ZKSCAN1: variants seen among roughly 807,000 people sequenced by gnomAD.
ZKSCAN1 encodes the protein zinc finger with KRAB and SCAN domains 1, also known as zinc finger protein with KRAB and SCAN domains 1.
In ZKSCAN1, 14 loss-of-function variants were observed where a neutral mutation model predicts 51.6. The ratio of observed to expected loss-of-function variants is 0.27; its 90% confidence interval spans 0.18 to 0.42. The LOEUF is 0.42. Among genes scored for constraint, ZKSCAN1 ranks in the 10% least tolerant of loss-of-function variants. The pLI is 1.00. For synonymous variants in ZKSCAN1, 263 were observed against 261.5 expected (o/e 1.01, Z -0.06); for missense variants, 531 against 710.0 (o/e 0.75, Z 2.86).
rs1385539088 is a variant in ZKSCAN1, at chr7:100,033,563, G to T, written c.1058G>T (p.Gly353Val). Residue 353 changes from glycine to valine, a missense_variant, in exon 6 of 6, where the codon GGA becomes GTA. Gly to Val is a moderately radical substitution (Grantham distance 109). Transcript: ENST00000324306. The surrounding 1 kb of genome is among the most constrained non-coding windows in gnomAD (Gnocchi z 4.1). Reference sequence around the variant, plus strand: ...AGAGGTCCAAGGGAGAAGGGGAAAGGATTGGGAAGAAGCTTCAGTCTGAGC... The same window carrying T: ...AGAGGTCCAAGGGAGAAGGGGAAAGTATTGGGAAGAAGCTTCAGTCTGAGC... ...GERGPREKGKGLGRSFSLSSN... is the reference protein window; with the variant it reads ...GERGPREKGKVLGRSFSLSSN... The T allele has an allele frequency of 3.7e-6, 6 of 1,614,044 alleles. No homozygotes were observed. Among genetic ancestry groups the T allele is most frequent in the South Asian group, 3.3e-5 (3 of 91,088 alleles).
rs893926699 is a variant in ZKSCAN1 at position 100,035,239 on chromosome 7, C to T, written c.*1042C>T. 1.3e-5 allele frequency: 2 copies of T among 152,132 alleles called. No homozygotes were observed. The highest frequency in any genetic ancestry group is 2.9e-5 in the Non-Finnish European group (2 of 68,018). The allele number at this position is 152,132 out of a possible 1,614,324, so 9.4% of individuals were successfully genotyped here. A position where few individuals can be genotyped will look rare whatever the true frequency, so the allele number is the denominator to read the frequency against. On this transcript the variant is annotated 3_prime_UTR_variant, in exon 6 of 6. Transcript: ENST00000324306. ...TGGCCCAGCTTCTAAAGAGGACCTT[C>T]GTAGCCACAAGGCATGCTAAACCTC... is the stretch of plus-strand genomic sequence containing the variant.
chr7:100,042,003 T>G (rs557913079), downstream of ZKSCAN1, among the ~76,000 whole-genome samples: 1 of 152,238 alleles, frequency 6.6e-6, no homozygotes, highest in South Asian at 2.1e-4. Context: ...ATGGAATTAC[T>G]GATAACAACA....
rs573570123 is a variant in ZKSCAN1, at chr7:100,033,103, C to T, written c.800-202C>T. 1.3e-3 allele frequency among the ~76,000 whole-genome samples: 201 copies of T among 151,950 alleles called. 1 individual carries two copies. Among genetic ancestry groups the T allele is most frequent in the Non-Finnish European group, 2.5e-3 (167 of 67,992 alleles). The stretch of plus-strand genomic sequence containing the variant: ...AGGAGAATCACTTGAACCTGGGAGG[C>T]GGAGGTTGCAGTGAACTGAGATCAC... On this transcript the variant is annotated intron_variant, in intron 5 of 5. Transcript: ENST00000324306. This position sits in a 1 kb window ranked among gnomAD's most constrained non-coding sequence, Gnocchi z 4.1.
At chr7:100,027,621 G>A (rs1790897119) in intron 3 of ZKSCAN1, among the ~76,000 whole-genome samples, 1 of 151,286 alleles carries the variant, frequency 6.6e-6, no homozygotes. Context: ...GGTGGCGGGT[G>A]CCTGTAGTCC....
intron 3 of ZKSCAN1, chr7:100,024,520 G>C (rs1790734285): frequency 1.7e-6 from 1 of 582,026 alleles, no homozygotes; most frequent in Admixed American, 3.2e-5. Context: ...CTTGAGCCCA[G>C]GAGGTTGAGG....
rs1003656809 is a variant in ZKSCAN1 at position 100,035,737 on chromosome 7, C to T, written c.*1540C>T. The T allele has an allele frequency of 1.6e-6, 1 of 634,866 alleles. No homozygotes were observed. Among genetic ancestry groups the T allele is most frequent in the African/African-American group, 2.0e-5 (1 of 50,386 alleles). The allele number at this position is 634,866 out of a possible 1,614,324, so 39.3% of individuals were successfully genotyped here. On this transcript the variant is annotated 3_prime_UTR_variant, in exon 6 of 6. Transcript: ENST00000324306. Reference sequence around the variant, plus strand: ...ATAGTGCACAGTGACTTTTCTGTTTCTTATCACTAAAGACTGAGGTGAGGT... The same window carrying T: ...ATAGTGCACAGTGACTTTTCTGTTTTTTATCACTAAAGACTGAGGTGAGGT...
chr7:100,025,070 A>G (rs1790766649), intron 3 of ZKSCAN1: 1 of 151,960 alleles, frequency 6.6e-6, no homozygotes, highest in Non-Finnish European at 1.5e-5. Flanking sequence ...TACGAAGGCA[A>G]ATGAACTATG....
In ZKSCAN1 at chr7:100,039,606, G is replaced by A. The variant is rs1040443250; in HGVS notation, c.*5409G>A. 1.0e-6 allele frequency: 1 copy of A among 985,256 alleles called. No individual in the cohort carries two copies. The highest frequency in any genetic ancestry group is 1.7e-5 in the African/African-American group (1 of 57,206). The allele number at this position is 985,256 out of a possible 1,614,324, so 61.0% of individuals were successfully genotyped here. On this transcript the variant is annotated 3_prime_UTR_variant, in exon 6 of 6. Transcript: ENST00000324306. Reference sequence around the variant, plus strand: ...GAGTCAGTCACTTTTATTCCAGGTAGTCATGCTGATCTGCTTATCCAAAGC... The same window carrying A: ...GAGTCAGTCACTTTTATTCCAGGTAATCATGCTGATCTGCTTATCCAAAGC...
chr7:100,040,838 A>T lies in ZKSCAN1; in HGVS notation c.*6641A>T, dbSNP rs984995142. 3 of 985,316 alleles carry T rather than the reference A, an allele frequency of 3.0e-6. No individual in the cohort carries two copies. In the African/African-American group the frequency reaches 5.2e-5, roughly 17 times the overall value. The allele number at this position is 985,316 out of a possible 1,614,324, so 61.0% of individuals were successfully genotyped here. Reference sequence around the variant, plus strand: ...AAGCTTTTAGCCTGCCCTAGCAAGGACAAAGCATGTTAGATTAGAGATGCT... The same window carrying T: ...AAGCTTTTAGCCTGCCCTAGCAAGGTCAAAGCATGTTAGATTAGAGATGCT... On this transcript the variant is annotated 3_prime_UTR_variant, in exon 6 of 6. Coordinates refer to ENST00000324306, the MANE Select transcript of ZKSCAN1 (RefSeq NM_003439.4).
chr7:100,036,033 T>G lies in ZKSCAN1; in HGVS notation c.*1836T>G, dbSNP rs974633870. 16 of 985,342 alleles carry G rather than the reference T, an allele frequency of 1.6e-5. No homozygotes were observed. Among genetic ancestry groups the G allele is most frequent in the Admixed American group, 6.1e-5 (1 of 16,266 alleles). 61.0% of individuals were successfully genotyped at this position (985,342 alleles called of 1,614,324 possible). On this transcript the variant is annotated 3_prime_UTR_variant, in exon 6 of 6. Transcript: ENST00000324306. Reference sequence around the variant, plus strand: ...AGACTTTCCCTTGAGAAACTTATACTAAAACTATTACTCATCAGTCATTCA... The same window carrying G: ...AGACTTTCCCTTGAGAAACTTATACGAAAACTATTACTCATCAGTCATTCA...
intron 3 of ZKSCAN1, among the ~76,000 whole-genome samples, chr7:100,028,368 C>T (rs1790936605): frequency 6.6e-6 from 1 of 151,686 alleles, no homozygotes; most frequent in Non-Finnish European, 1.5e-5. Context: ...AAAAAAAGTA[C>T]TTGGGTACAG....
chr7:100,042,437 A>G (rs1184168030), downstream of ZKSCAN1, among the ~76,000 whole-genome samples: 1 of 151,358 alleles, frequency 6.6e-6, no homozygotes, highest in East Asian at 1.9e-4. Flanking sequence ...ATTTTTTTTC[A>G]TACACCAACC....
Position 100,036,224 on chromosome 7 carries a change from GA to G in ZKSCAN1, c.*2031del. The G allele has an allele frequency of 3.0e-6, 3 of 985,340 alleles. No individual in the cohort carries two copies. Among genetic ancestry groups the G allele is most frequent in the Non-Finnish European group, 3.6e-6 (3 of 829,924 alleles). The allele number at this position is 985,340 out of a possible 1,614,324, so 61.0% of individuals were successfully genotyped here. The stretch of plus-strand genomic sequence containing the variant: ...AAGCAGTTTCATCAGCATTACTTGG[GA>G]AAACGTGTTGCAAGTCAACCAGTCA... On this transcript the variant is annotated 3_prime_UTR_variant, in exon 6 of 6. Coordinates refer to ENST00000324306, the MANE Select transcript of ZKSCAN1 (RefSeq NM_003439.4).
At chr7:100,018,406 AT>A (rs879710253) in intron 1 of ZKSCAN1, among the ~76,000 whole-genome samples, 407 of 144,126 alleles carry the variant, frequency 2.8e-3, no homozygotes, top group Middle Eastern at 3.6e-3. Context: ...ATCATGAGAA[AT>A]TTTTTTTTTT....
chr7:100,034,089 C>T lies in ZKSCAN1; in HGVS notation c.1584C>T (p.Arg528=). The T allele has an allele frequency of 6.2e-7, 1 of 1,611,488 alleles. No individual in the cohort carries two copies. The highest frequency in any genetic ancestry group is 8.5e-7 in the Non-Finnish European group (1 of 1,179,086). Residue 528 remains arginine, a synonymous_variant, in exon 6 of 6, where the codon CGC becomes CGT. Coordinates refer to ENST00000324306, the MANE Select transcript of ZKSCAN1 (RefSeq NM_003439.4). ...CTAAGTGTGGCAAGGCCTTCACCCG[C>T]AGCTCCACCCTCACTCTGCATCACA... The part of the protein sequence containing the change: ...KCTKCGKAFT[R]SSTLTLHHRI...
intron 3 of ZKSCAN1, among the ~76,000 whole-genome samples, chr7:100,027,380 G>A (rs1393797138): frequency 1.3e-5 from 2 of 152,124 alleles, no homozygotes; most frequent in Middle Eastern, 3.4e-3. Context: ...ATTAGACATG[G>A]AGCTTAAGGA....
chr7:100,036,044 C>T lies in ZKSCAN1; in HGVS notation c.*1847C>T. On this transcript the variant is annotated 3_prime_UTR_variant, in exon 6 of 6. Coordinates refer to ENST00000324306, the MANE Select transcript of ZKSCAN1 (RefSeq NM_003439.4). ...TGAGAAACTTATACTAAAACTATTA[C>T]TCATCAGTCATTCACTGATCAGCAG... 1.0e-6 allele frequency: 1 copy of T among 985,450 alleles called. No individual in the cohort carries two copies. The highest frequency in any genetic ancestry group is 1.2e-6 in the Non-Finnish European group (1 of 829,936). The allele number at this position is 985,450 out of a possible 1,614,324, so 61.0% of individuals were successfully genotyped here.
chr7:100,041,202 AAAG>A lies in ZKSCAN1; in HGVS notation c.*7011_*7013del. 1.3e-6 allele frequency: 1 copy of A among 765,840 alleles called. No individual in the cohort carries two copies. The highest frequency in any genetic ancestry group is 1.6e-6 in the Non-Finnish European group (1 of 629,654). The allele number at this position is 765,840 out of a possible 1,614,324, so 47.4% of individuals were successfully genotyped here. A position where few individuals can be genotyped will look rare whatever the true frequency, so the allele number is the denominator to read the frequency against. On this transcript the variant is annotated 3_prime_UTR_variant, in exon 6 of 6. Transcript: ENST00000324306. ...TCTTCGTTTAGAATAAATTAGACCA[AAAG>A]AAGAAACGTGCTTGTCTCTGTATAC...
intron 3 of ZKSCAN1, 150 bp downstream of exon 3, chr7:100,024,457 A>T (rs1790730276): frequency 8.2e-6 from 8 of 978,180 alleles, no homozygotes; most frequent in South Asian, 3.4e-5. Flanking sequence ...AGCCAGGTAT[A>T]GTGGCGCACA....
Sources: gnomAD v4.1 joint callset for allele counts (sites outside exome capture counted in the v4.1 genomes callset) on GRCh38, gnomAD v4.1.1 for gene constraint, Gnocchi (gnomAD v3.1) non-coding constraint, MANE v1.5 for transcripts, NCBI Gene and HGNC (gene_info 2026-07-23, HGNC 2026-07-21) for gene names.